Variants in KHDRBS2 observed in about 807,000 individuals in gnomAD.
KHDRBS2 encodes KH domain-containing, RNA-binding, signal transduction-associated protein 2.
KHDRBS2 carries 26 observed loss-of-function variants against 44.3 expected under a neutral mutation model. That is an observed-to-expected ratio of 0.59 (90% CI 0.43 to 0.81). KHDRBS2 has a LOEUF of 0.81. Among genes scored for constraint, KHDRBS2 ranks in the 40% least tolerant of loss-of-function variants. The pLI, the probability that KHDRBS2 is intolerant of heterozygous loss-of-function variation, is 0.00. For synonymous variants in KHDRBS2, 194 were observed against 151.1 expected (o/e 1.28, Z -2.08); for missense variants, 476 against 433.1 (o/e 1.10, Z -0.88).
chr6:61,739,105 G>T (rs896036690), intron 6 of KHDRBS2, among the ~76,000 whole-genome samples: 6 of 151,838 alleles, frequency 4.0e-5, no homozygotes, highest in African/African-American at 1.4e-4. Flanking sequence ...CTAAAATATA[G>T]AATTTATTAT....
chr6:61,841,835 C>T (rs1251042200), intron 6 of KHDRBS2, among the ~76,000 whole-genome samples: 2 of 152,104 alleles, frequency 1.3e-5, no homozygotes, highest in Non-Finnish European at 2.9e-5. Flanking sequence ...AAAGATGGAA[C>T]TTTAATTTTT....
chr6:61,870,005 G>T (rs1798430439), intron 6 of KHDRBS2, among the ~76,000 whole-genome samples: 1 of 138,840 alleles, frequency 7.2e-6, no homozygotes, highest in Non-Finnish European at 1.5e-5. Context: ...CTACAGTGGT[G>T]CCTGGAATGC....
chr6:62,074,908 T>A lies in KHDRBS2; in HGVS notation c.220-26914A>T, dbSNP rs185506305. 1.4e-3 allele frequency among the ~76,000 whole-genome samples: 220 copies of A among 152,060 alleles called. 1 individual carries two copies. The highest frequency in any genetic ancestry group is 5.0e-3 in the African/African-American group (207 of 41,542). Reference sequence around the variant, plus strand: ...ATGCAAACTATGACAATTTTCCTGTTTAATGTCCCTACAGTTTTTGAATTT... The same window carrying A: ...ATGCAAACTATGACAATTTTCCTGTATAATGTCCCTACAGTTTTTGAATTT... On this transcript the variant is annotated intron_variant, in intron 2 of 8. Coordinates refer to ENST00000281156, the MANE Select transcript of KHDRBS2 (RefSeq NM_152688.4).
intron 6 of KHDRBS2, among the ~76,000 whole-genome samples, chr6:61,783,641 G>T (rs1346149513): frequency 6.6e-6 from 1 of 151,950 alleles, no homozygotes; most frequent in Non-Finnish European, 1.5e-5. Flanking sequence ...TTTTCTTGCT[G>T]AAATAAACTT....
chr6:61,984,394 A>G (rs1774611943), intron 3 of KHDRBS2, among the ~76,000 whole-genome samples: 1 of 152,192 alleles, frequency 6.6e-6, no homozygotes, highest in Non-Finnish European at 1.5e-5. Context: ...AAAAATGTGG[A>G]GACCCATTTG....
intron 6 of KHDRBS2, among the ~76,000 whole-genome samples, chr6:61,861,469 G>A (rs1451191805): frequency 6.6e-6 from 1 of 152,074 alleles, no homozygotes; most frequent in Non-Finnish European, 1.5e-5. Context: ...ATTAAATAGG[G>A]AGTCCTTTCC....
At chr6:61,637,551 T>G in the KHDRBS2 span, among the ~76,000 whole-genome samples, 450 of 152,272 alleles carry the variant, frequency 3.0e-3, no homozygotes, top group African/African-American at 0.01. Context: ...ATATACCCAG[T>G]AATGGGATGG....
chr6:61,551,750 C>T, the KHDRBS2 span, among the ~76,000 whole-genome samples: 3 of 152,208 alleles, frequency 2.0e-5, no homozygotes, highest in East Asian at 3.9e-4. Flanking sequence ...TACCATGCTG[C>T]TTGGGTTACT....
At chr6:62,026,412 T>C (rs1414061309) in intron 3 of KHDRBS2, among the ~76,000 whole-genome samples, 1 of 138,266 alleles carries the variant, frequency 7.2e-6, no homozygotes, top group Non-Finnish European at 1.6e-5. Flanking sequence ...AATTATTTTA[T>C]TTTATTTATT....
intron 2 of KHDRBS2, among the ~76,000 whole-genome samples, chr6:62,065,142 G>A (rs1217587209): frequency 2.0e-5 from 3 of 150,884 alleles, no homozygotes; most frequent in Admixed American, 2.0e-4. Flanking sequence ...AACAGGTGCT[G>A]GAGAGGATGT....
At chr6:62,249,737 A>AT (rs1836216187) in intron 1 of KHDRBS2, among the ~76,000 whole-genome samples, 1 of 152,062 alleles carries the variant, frequency 6.6e-6, no homozygotes, top group African/African-American at 2.4e-5. Flanking sequence ...ATTTCTCTAT[A>AT]AAAGCACTCT....
At chr6:61,747,085 C>A (rs1562083944) in intron 6 of KHDRBS2, among the ~76,000 whole-genome samples, 1 of 150,098 alleles carries the variant, frequency 6.7e-6, no homozygotes. Flanking sequence ...TAAGAACAGA[C>A]ATTTTTAAGA....
chr6:61,801,616 A>G (rs1242733978), intron 6 of KHDRBS2, among the ~76,000 whole-genome samples: 1 of 152,096 alleles, frequency 6.6e-6, no homozygotes, highest in Non-Finnish European at 1.5e-5. Flanking sequence ...GCTGCTCCCT[A>G]TCTTCTATTG....
In KHDRBS2 at chr6:62,156,088, G is replaced by GA. The variant is rs997886648; in HGVS notation, c.219+21096dup. Among the ~76,000 whole-genome samples the GA allele has an allele frequency of 5.1e-4, 78 of 152,092 alleles. 1 individual carries two copies. Among genetic ancestry groups the GA allele is most frequent in the African/African-American group, 1.8e-3 (75 of 41,508 alleles). The stretch of plus-strand genomic sequence containing the variant: ...CCATACATTTTCCAGGGTGTAGTCA[G>GA]AAAAAAATTCTTTATATACTAAAAA... On this transcript the variant is annotated intron_variant, in intron 2 of 8. Transcript: ENST00000281156.
intron 2 of KHDRBS2, among the ~76,000 whole-genome samples, chr6:62,096,247 C>T (rs1800573418): frequency 6.6e-6 from 1 of 151,796 alleles, no homozygotes; most frequent in Non-Finnish European, 1.5e-5. Flanking sequence ...TAGAAGAATT[C>T]CCTTTGTTTC....
chr6:62,047,786 G>A, intron 3 of KHDRBS2, 92 bp downstream of exon 3: 1 of 764,930 alleles, frequency 1.3e-6, no homozygotes, highest in Non-Finnish European at 2.3e-6. Flanking sequence ...AGGAAATGGT[G>A]AAAGAGCAGT....
At chr6:61,717,236 C>A (rs561683602) in intron 7 of KHDRBS2, among the ~76,000 whole-genome samples, 2 of 151,984 alleles carry the variant, frequency 1.3e-5, no homozygotes, top group Non-Finnish European at 2.9e-5. Flanking sequence ...TAAAAATCGA[C>A]AAATACAATG....
At chr6:62,183,585 A>C (rs905708424) in intron 1 of KHDRBS2, among the ~76,000 whole-genome samples, 7 of 151,690 alleles carry the variant, frequency 4.6e-5, no homozygotes, top group Non-Finnish European at 8.9e-5. Context: ...GTTCTATGGA[A>C]ATTTTCAGAA....
chr6:62,073,575 A>G (rs1220724960), intron 2 of KHDRBS2, among the ~76,000 whole-genome samples: 1 of 122,098 alleles, frequency 8.2e-6, no homozygotes, highest in Admixed American at 8.3e-5. Flanking sequence ...TTCTATTCTA[A>G]TGTTATTTCC....
Sources: allele counts gnomAD v4.1 joint callset (sites outside exome capture counted in the v4.1 genomes callset), GRCh38; gene constraint gnomAD v4.1.1; transcripts MANE v1.5; gene names NCBI Gene and HGNC (gene_info 2026-07-23, HGNC 2026-07-21).